The following SHC3 variants were observed in gnomAD, a reference collection of about 807,000 sequenced individuals.
SHC3 encodes SHC-transforming protein 3.
In SHC3, 15 loss-of-function variants were observed where a neutral mutation model predicts 60.4. The observed-to-expected ratio is 0.25, with a 90% CI of 0.17 to 0.38. The LOEUF (loss-of-function observed/expected upper bound fraction) is 0.38. Ranked by LOEUF, SHC3 falls within the 10% of genes least tolerant of loss-of-function variation. The pLI, the probability that SHC3 is intolerant of heterozygous loss-of-function variation, is 1.00. For missense variants in SHC3, 677 were observed against 786.1 expected (o/e 0.86, Z 1.66); for synonymous variants, 294 against 325.9 (o/e 0.90, Z 1.05).
At chr9:89,110,177 A>G in intron 2 of SHC3, 6 of 985,450 alleles carry the variant, frequency 6.1e-6, no homozygotes, top group Non-Finnish European at 7.2e-6. Flanking sequence ...GGAGTTTTCA[A>G]ATCACCTCAA....
At position 89,176,297 on chromosome 9, in the gene SHC3, C is replaced by T. The variant is rs904550187; in HGVS notation, c.474+1690G>A. Among the ~76,000 whole-genome samples the T allele has an allele frequency of 2.0e-5, 3 of 152,348 alleles. 1 individual carries two copies. The East Asian group carries it at 5.8e-4, about 29-fold the overall frequency. ...GACGCAGAGCCGTCTTATTTTCGTA[C>T]ATTCATCATTATTTTGCCACATTTG... On this transcript the variant is annotated intron_variant, in intron 1 of 11. Coordinates refer to ENST00000375835, the MANE Select transcript of SHC3 (RefSeq NM_016848.6).
chr9:89,077,521 T>C (rs569794857), intron 3 of SHC3, among the ~76,000 whole-genome samples: 9 of 152,334 alleles, frequency 5.9e-5, no homozygotes, highest in African/African-American at 2.2e-4. Context: ...ACTCAGTTGT[T>C]GTAGTTAAGT....
At chr9:89,061,194 C>CA (rs1334052243) in intron 6 of SHC3, among the ~76,000 whole-genome samples, 2 of 152,168 alleles carry the variant, frequency 1.3e-5, no homozygotes, top group African/African-American at 4.8e-5. Flanking sequence ...CATTCGATGG[C>CA]ATATTTAACC....
intron 1 of SHC3, among the ~76,000 whole-genome samples, chr9:89,120,435 G>C (rs954552909): frequency 1.3e-5 from 2 of 152,066 alleles, no homozygotes; most frequent in African/African-American, 4.8e-5. Context: ...ACAGAAGAAA[G>C]GCAATTGGCC....
intron 2 of SHC3, among the ~76,000 whole-genome samples, chr9:89,083,447 A>C (rs1825478062): frequency 6.6e-6 from 1 of 152,206 alleles, no homozygotes; most frequent in Non-Finnish European, 1.5e-5. Context: ...AGGCAGAACC[A>C]TGGAGGTTTC....
Position 89,065,513 on chromosome 9 carries a change from GT to G in SHC3, c.835+15del. The G allele has an allele frequency of 6.2e-7, 1 of 1,613,898 alleles. No individual in the cohort carries two copies. Among genetic ancestry groups the G allele is most frequent in the Non-Finnish European group, 8.5e-7 (1 of 1,179,868 alleles). ...TGTACACAAACAAGAGATTAAAGGG[GT>G]CAAGCACCGCTTACCTCTGCGATTA... On this transcript the variant is annotated intron_variant, in intron 6 of 11. Transcript: ENST00000375835.
rs376784321 is a variant in SHC3 at position 89,038,438 on chromosome 9, G to A, written c.1361-150C>T. ...AAAAACCAATGGAGACAACTAACTG[G>A]CTGGTAATATAACAAGAGCCATCAT... On this transcript the variant is annotated intron_variant, in intron 10 of 11. Transcript: ENST00000375835. The A allele has an allele frequency of 4.4e-5, 38 of 858,936 alleles. No homozygotes were observed. The African/African-American group carries it at 6.3e-4, about 14-fold the overall frequency. The allele number at this position is 858,936 out of a possible 1,614,324, so 53.2% of individuals were successfully genotyped here.
intron 1 of SHC3, among the ~76,000 whole-genome samples, chr9:89,154,111 G>A (rs2118224145): frequency 6.6e-6 from 1 of 152,272 alleles, no homozygotes; most frequent in Non-Finnish European, 1.5e-5. Context: ...GCCCAGGATG[G>A]CTTGGAATAG....
intron 1 of SHC3, among the ~76,000 whole-genome samples, chr9:89,138,890 A>G (rs1826355549): frequency 6.6e-6 from 1 of 152,326 alleles, no homozygotes; most frequent in African/African-American, 2.4e-5. Context: ...AGGGTGATTC[A>G]TGACTCTTGA....
rs555605273 is a variant in SHC3, at chr9:89,148,245, C to A, written c.474+29742G>T. 2.6e-5 allele frequency among the ~76,000 whole-genome samples: 4 copies of A among 152,244 alleles called. No individual in the cohort carries two copies. In the South Asian group the frequency reaches 8.3e-4, roughly 32 times the overall value. On this transcript the variant is annotated intron_variant, in intron 1 of 11. Transcript: ENST00000375835. ...TTTCGATATTTCGCGATTAAATAGGCCTTCCCCTCAGCTATATGAATTCAG... is the reference window on the plus strand; with the variant it reads ...TTTCGATATTTCGCGATTAAATAGGACTTCCCCTCAGCTATATGAATTCAG...
intron 6 of SHC3, among the ~76,000 whole-genome samples, chr9:89,060,333 C>G (rs4877045): frequency 0.88 from 133,074 of 151,236 alleles, 58,625 homozygotes; most frequent in East Asian, 1. Context: ...GTAGGACAGT[C>G]GTGGAGGACA....
At chr9:89,084,268 T>C (rs139105951) in intron 2 of SHC3, among the ~76,000 whole-genome samples, 1 of 152,354 alleles carries the variant, frequency 6.6e-6, no homozygotes, top group African/African-American at 2.4e-5. Flanking sequence ...CTTCAGCCTT[T>C]GGTTTACTCC....
chr9:89,141,324 C>CGGTA (rs1254494583), intron 1 of SHC3, among the ~76,000 whole-genome samples: 2 of 152,140 alleles, frequency 1.3e-5, no homozygotes, highest in Admixed American at 6.5e-5. Context: ...TTCTATCCTA[C>CGGTA]GGTACCCTTC....
chr9:89,160,366 AC>A (rs1826686932), intron 1 of SHC3, among the ~76,000 whole-genome samples: 2 of 151,896 alleles, frequency 1.3e-5, no homozygotes, highest in Admixed American at 6.6e-5. Context: ...TTTTCTGATA[AC>A]CCCAGCCCAC....
chr9:89,155,686 G>A (rs1028696580), intron 1 of SHC3, among the ~76,000 whole-genome samples: 6 of 152,050 alleles, frequency 3.9e-5, no homozygotes, highest in Non-Finnish European at 7.4e-5. Flanking sequence ...TTGGCAAATC[G>A]TCATCTACCT....
At chr9:89,140,640 C>T (rs964106994) in intron 1 of SHC3, among the ~76,000 whole-genome samples, 11 of 152,142 alleles carry the variant, frequency 7.2e-5, no homozygotes, top group African/African-American at 2.7e-4. Context: ...ACATCAGATA[C>T]GGCAATGCAA....
chr9:89,038,579 GC>G (rs1824624453), intron 10 of SHC3, among the ~76,000 whole-genome samples: 1 of 152,196 alleles, frequency 6.6e-6, no homozygotes, highest in African/African-American at 2.4e-5. Context: ...CCTTTGTCTA[GC>G]TAGCTGGAAT....
At chr9:89,032,041 G>A (rs117479837) in intron 11 of SHC3, among the ~76,000 whole-genome samples, 2,690 of 152,292 alleles carry the variant, frequency 0.018, 31 homozygotes, top group South Asian at 0.029. Context: ...ATGGACAACA[G>A]TTCATCTGGA....
intron 1 of SHC3, among the ~76,000 whole-genome samples, chr9:89,123,805 C>T (rs1368616975): frequency 6.6e-6 from 1 of 152,076 alleles, no homozygotes. Flanking sequence ...TTCTGAGGTC[C>T]ATTTGGAATT....
Sources: gnomAD v4.1 joint callset for allele counts (sites outside exome capture counted in the v4.1 genomes callset) on GRCh38, gnomAD v4.1.1 for gene constraint, MANE v1.5 for transcripts, NCBI Gene and HGNC (gene_info 2026-07-23, HGNC 2026-07-21) for gene names.